Variants in XPO4 observed in about 807,000 individuals in gnomAD.
XPO4 encodes the protein exportin-4.
In XPO4, 39 loss-of-function variants were observed where a neutral mutation model predicts 143.0. That is an observed-to-expected ratio of 0.27 (90% CI 0.21 to 0.36). XPO4 has a LOEUF of 0.36. Among genes scored for constraint, XPO4 ranks in the 10% least tolerant of loss-of-function variants. The pLI is 1.00. For missense variants in XPO4, 907 were observed against 1,348.0 expected, an observed-to-expected ratio of 0.67 and a Z score of 5.12; for synonymous variants, 439 against 474.0, an observed-to-expected ratio of 0.93 and a Z score of 0.96.
chr13:20,785,520 C>G (rs974090593), intron 22 of XPO4, among the ~76,000 whole-genome samples: 5 of 151,726 alleles, frequency 3.3e-5, no homozygotes, highest in African/African-American at 2.4e-5. Flanking sequence ...AAAAAATAAG[C>G]CAGGTGTGGT....
intron 4 of XPO4, 94 bp downstream of exon 4, chr13:20,855,533 T>G (rs2060135659): frequency 8.2e-7 from 1 of 1,214,872 alleles, no homozygotes; most frequent in Non-Finnish European, 1.1e-6. Flanking sequence ...TTTTCACTAT[T>G]TTTATGTAGA....
intron 1 of XPO4, among the ~76,000 whole-genome samples, chr13:20,900,742 G>C (rs2060613077): frequency 6.6e-6 from 1 of 151,680 alleles, no homozygotes; most frequent in South Asian, 2.1e-4. Context: ...CTCCAGAGTA[G>C]CTGAGATTAA....
chr13:20,793,991 A>G (rs953642728), intron 18 of XPO4, among the ~76,000 whole-genome samples: 3 of 152,220 alleles, frequency 2.0e-5, no homozygotes, highest in African/African-American at 7.2e-5. Context: ...CCTTCAAGGT[A>G]GGAAGAAGAT....
intron 9 of XPO4, among the ~76,000 whole-genome samples, chr13:20,813,973 A>G (rs2059616392): frequency 6.6e-6 from 1 of 151,956 alleles, no homozygotes; most frequent in African/African-American, 2.4e-5. Context: ...AAAAAAAAAA[A>G]AATCTATTGA....
intron 1 of XPO4, among the ~76,000 whole-genome samples, chr13:20,879,561 G>A (rs2060385974): frequency 6.6e-6 from 1 of 152,012 alleles, no homozygotes; most frequent in African/African-American, 2.4e-5. Context: ...ATTTCCAAGA[G>A]TTAACATATA....
At position 20,788,731 on chromosome 13, in the gene XPO4, CAT is replaced by C. The variant is rs572514769; in HGVS notation, c.2917-117_2917-116del. On this transcript the variant is annotated intron_variant, in intron 19 of 22. Transcript: ENST00000255305. The stretch of plus-strand genomic sequence containing the variant: ...TCTAAATATAATGATTTCTTTAAAA[CAT>C]GTACAAGATATAGAAAACATGAAGA... 602 of 1,068,342 alleles carry C rather than the reference CAT, an allele frequency of 5.6e-4. 2 individuals carry two copies. The Middle Eastern group carries it at 6.9e-3, about 12-fold the overall frequency. 66.2% of individuals were successfully genotyped at this position (1,068,342 alleles called of 1,614,324 possible).
At chr13:20,847,938 C>T (rs1021035302) in intron 4 of XPO4, among the ~76,000 whole-genome samples, 8 of 152,124 alleles carry the variant, frequency 5.3e-5, no homozygotes, top group Non-Finnish European at 8.8e-5. Context: ...TTTAATGAAA[C>T]GTCCTATAAA....
Position 20,855,676 on chromosome 13 carries a change from C to T in XPO4, c.407G>A (p.Ser136Asn). ...CAACTGGCTGACTTCATGAAAAATG[C>T]TTTTGCAGTCAATTGATTTATCTAA... is the stretch of plus-strand genomic sequence containing the variant. Reference protein sequence around the residue: ...GSLDKSIDCKSIFHEVSQLIS... With the variant: ...GSLDKSIDCKNIFHEVSQLIS... Residue 136 changes from serine to asparagine, a missense_variant, in exon 4 of 23, where the codon AGC becomes AAC. Coordinates refer to ENST00000255305, the MANE Select transcript of XPO4 (RefSeq NM_022459.5). The T allele has an allele frequency of 3.1e-6, 5 of 1,612,282 alleles. No homozygotes were observed. Among genetic ancestry groups the T allele is most frequent in the Non-Finnish European group, 4.2e-6 (5 of 1,179,640 alleles).
In XPO4 at chr13:20,803,619, C is replaced by G. The variant is rs1044097357; in HGVS notation, c.1818-2629G>C. On this transcript the variant is annotated intron_variant, in intron 13 of 22. Coordinates refer to ENST00000255305, the MANE Select transcript of XPO4 (RefSeq NM_022459.5). This position sits in a 1 kb window ranked among gnomAD's most constrained non-coding sequence, Gnocchi z 4.1. The stretch of plus-strand genomic sequence containing the variant: ...TAGTATCTCTAAAATATTTTGATCA[C>G]TTCACTTCTCTGCTGTAAATCCTTG... Among the ~76,000 whole-genome samples, 2 of 152,142 alleles carry G rather than the reference C, an allele frequency of 1.3e-5. No individual in the cohort carries two copies. The highest frequency in any genetic ancestry group is 2.9e-5 in the Non-Finnish European group (2 of 68,018).
At chr13:20,785,665 C>T (rs1448006282) in intron 22 of XPO4, among the ~76,000 whole-genome samples, 1 of 148,638 alleles carries the variant, frequency 6.7e-6, no homozygotes, top group Admixed American at 6.7e-5. Flanking sequence ...GAGACCCTGT[C>T]TCAGAAAAAA....
At chr13:20,880,996 T>G (rs2060404154) in intron 1 of XPO4, among the ~76,000 whole-genome samples, 1 of 150,702 alleles carries the variant, frequency 6.6e-6, no homozygotes, top group African/African-American at 2.4e-5. Flanking sequence ...TAAGATATAT[T>G]ACAACAAGGA....
At chr13:20,849,672 T>A (rs1425317545) in intron 4 of XPO4, 1 of 984,654 alleles carries the variant, frequency 1.0e-6, no homozygotes, top group Non-Finnish European at 1.2e-6. Flanking sequence ...CAGGCATAAA[T>A]TAACTAAGAA....
chr13:20,858,369 C>T lies in XPO4; in HGVS notation c.318-2604G>A, dbSNP rs191581544. On this transcript the variant is annotated intron_variant, in intron 3 of 22. Transcript: ENST00000255305. ...TGAGATTATGCTTTCAGAAGAGACA[C>T]GTTCAAGAACTTTAAGGCTAAAGTA... 6.2e-4 allele frequency among the ~76,000 whole-genome samples: 94 copies of T among 152,204 alleles called. 2 individuals carry two copies. Among genetic ancestry groups the T allele is most frequent in the South Asian group, 2.5e-3 (12 of 4,822 alleles).
At chr13:20,901,594 C>T (rs145819464) in intron 1 of XPO4, among the ~76,000 whole-genome samples, 4 of 152,266 alleles carry the variant, frequency 2.6e-5, no homozygotes, top group African/African-American at 9.6e-5. Flanking sequence ...GCAAGTAAAT[C>T]CTGCTTTTAT....
At chr13:20,871,703 C>T (rs1228156866) in intron 1 of XPO4, among the ~76,000 whole-genome samples, 4 of 152,144 alleles carry the variant, frequency 2.6e-5, no homozygotes, top group Non-Finnish European at 2.9e-5. Flanking sequence ...AAAAGCACAA[C>T]ATATCCATAA....
intron 6 of XPO4, among the ~76,000 whole-genome samples, chr13:20,831,714 T>TA (rs557659208): frequency 1.3e-3 from 191 of 151,428 alleles, no homozygotes; most frequent in African/African-American, 3.8e-3. Flanking sequence ...CCCTTTATCT[T>TA]AAAAAAAATC....
rs557739341 is a variant in XPO4, at chr13:20,879,466, TGAAGCCAATAAAATTAAAG to T, written c.70-10784_70-10766del. On this transcript the variant is annotated intron_variant, in intron 1 of 22. Transcript: ENST00000255305. ...CAGGACCCATGTTGTCCAAAAAACT[TGAAGCCAATAAAATTAAAG>T]TAGTCCTGTGTTGTCTATGTACCTA... is the stretch of plus-strand genomic sequence containing the variant. 4.4e-3 allele frequency among the ~76,000 whole-genome samples: 663 copies of T among 152,256 alleles called. 9 individuals carry two copies. The highest frequency in any genetic ancestry group is 0.015 in the African/African-American group (628 of 41,556).
intron 19 of XPO4, 42 bp downstream of exon 19, chr13:20,790,420 G>C: frequency 4.1e-6 from 6 of 1,451,388 alleles, no homozygotes; most frequent in Non-Finnish European, 5.8e-6. Context: ...TTGAACTTCA[G>C]TTACACATAG....
chr13:20,900,298 C>T (rs961852205), intron 1 of XPO4, among the ~76,000 whole-genome samples: 7 of 151,912 alleles, frequency 4.6e-5, no homozygotes, highest in Non-Finnish European at 8.8e-5. Context: ...GCAGGAGAAT[C>T]GCTTGAACCC....
Sources: gnomAD v4.1 joint callset for allele counts (sites outside exome capture counted in the v4.1 genomes callset) on GRCh38, gnomAD v4.1.1 for gene constraint, Gnocchi (gnomAD v3.1) non-coding constraint, MANE v1.5 for transcripts, NCBI Gene and HGNC (gene_info 2026-07-23, HGNC 2026-07-21) for gene names.